PCDHA4: variants seen among roughly 807,000 people sequenced by gnomAD.
PCDHA4 encodes protocadherin alpha 4.
A neutral mutation model predicts 61.4 loss-of-function variants in PCDHA4; 49 were observed. The observed-to-expected ratio is 0.80, with a 90% CI of 0.63 to 1.01. The LOEUF is 1.01. Ranked by LOEUF, PCDHA4 falls within the 50% of genes least tolerant of loss-of-function variation. The probability of loss-of-function intolerance (pLI) is 0.00; values close to 1 mark genes in which losing one functional copy is unlikely to be tolerated. For synonymous variants in PCDHA4, 590 were observed against 550.3 expected (o/e 1.07, Z -1.01); for missense variants, 1,254 against 1,235.8 (o/e 1.01, Z -0.22).
chr5:140,870,736 A>G lies in PCDHA4; in HGVS notation c.2385+61164A>G, dbSNP rs201357017. ...GCGCGATGCGGGCGTGCCGCCTCTG[A>G]GCAGCAACGTGACGCTGCAGGTGTT... On this transcript the variant is annotated intron_variant, in intron 1 of 3. Transcript: ENST00000530339. 8.7e-4 allele frequency: 1,399 copies of G among 1,613,426 alleles called. 10 individuals carry two copies. In the African/African-American group the frequency reaches 0.015, roughly 17 times the overall value.
chr5:140,863,854 A>T (rs984993232), intron 1 of PCDHA4: 2 of 177,552 alleles, frequency 1.1e-5, no homozygotes, highest in Admixed American at 1.1e-4. Context: ...TAAAAAAATT[A>T]GCTGGGTGTG....
At chr5:140,950,579 A>G (rs2094498747) in intron 1 of PCDHA4, among the ~76,000 whole-genome samples, 1 of 151,956 alleles carries the variant, frequency 6.6e-6, no homozygotes, top group African/African-American at 2.4e-5. Flanking sequence ...TTTTCTACTT[A>G]CCTTTGGTTT....
intron 3 of PCDHA4, among the ~76,000 whole-genome samples, chr5:141,004,848 CAG>C (rs1554259777): frequency 6.6e-6 from 1 of 152,190 alleles, no homozygotes; most frequent in Non-Finnish European, 1.5e-5. Context: ...TCATTAGTCT[CAG>C]AGAAAAAATT....
At chr5:140,927,533 C>T in intron 1 of PCDHA4, 1 of 1,614,102 alleles carries the variant, frequency 6.2e-7, no homozygotes, top group Non-Finnish European at 8.5e-7. Flanking sequence ...CCTGCCCGCT[C>T]AGGAGACGCA....
At chr5:140,876,343 T>A (rs1196276310) in intron 1 of PCDHA4, 2 of 1,613,854 alleles carry the variant, frequency 1.2e-6, no homozygotes, top group African/African-American at 2.7e-5. Flanking sequence ...GAGTGAGAAA[T>A]GTATGTTTTC....
intron 1 of PCDHA4, chr5:140,883,585 C>G: frequency 6.2e-7 from 1 of 1,614,028 alleles, no homozygotes; most frequent in Non-Finnish European, 8.5e-7. Flanking sequence ...GGGCCACGGC[C>G]AGCGTGTCGG....
intron 1 of PCDHA4, among the ~76,000 whole-genome samples, chr5:140,831,531 T>C (rs1485160506): frequency 6.6e-6 from 1 of 150,388 alleles, no homozygotes; most frequent in Non-Finnish European, 1.5e-5. Flanking sequence ...TTTTTTTTTT[T>C]TTTTTTTTTT....
Position 140,851,530 on chromosome 5 carries a change from A to AT in PCDHA4, c.2385+41959dup, listed in dbSNP as rs746126939. ...AAAATATGTTTTAAAATGCCTGACA[A>AT]TGTAGATAATTCAAGAAATGTTGAC... is the stretch of plus-strand genomic sequence containing the variant. On this transcript the variant is annotated intron_variant, in intron 1 of 3. Transcript: ENST00000530339. 7.7e-4 allele frequency: 698 copies of AT among 902,810 alleles called. 38 individuals are homozygous for AT. The highest frequency in any genetic ancestry group is 9.1e-4 in the Non-Finnish European group (671 of 740,872). 55.9% of individuals were successfully genotyped at this position (902,810 alleles called of 1,614,324 possible).
intron 1 of PCDHA4, chr5:140,858,387 T>C (rs1260966424): frequency 1.9e-6 from 3 of 1,582,118 alleles, no homozygotes; most frequent in Admixed American, 1.8e-5. Flanking sequence ...TGCCCAATGG[T>C]AGATGTGGAC....
At position 140,807,105 on chromosome 5, in the gene PCDHA4, G is replaced by C. The variant is rs1763844674; in HGVS notation, c.-83G>C. On this transcript the variant is annotated 5_prime_UTR_variant, in exon 1 of 4. Coordinates refer to ENST00000530339, the MANE Select transcript of PCDHA4 (RefSeq NM_018907.4). Reference sequence around the variant, plus strand: ...TGGAGTCTGAAATATGGAGGATGCAGCTGCACTTGACTGACCGATTAAAAG... The same window carrying C: ...TGGAGTCTGAAATATGGAGGATGCACCTGCACTTGACTGACCGATTAAAAG... 1 of 1,454,344 alleles carries C rather than the reference G, an allele frequency of 6.9e-7. No individual in the cohort carries two copies. The highest frequency in any genetic ancestry group is 1.4e-5 in the African/African-American group (1 of 71,136). The allele number at this position is 1,454,344 out of a possible 1,614,324, so 90.1% of individuals were successfully genotyped here.
At position 141,009,807 on chromosome 5, in the gene PCDHA4, T is replaced by C. The variant is rs1554262456; in HGVS notation, c.2714T>C (p.Ile905Thr). ...CGGCAGGAGCCTACTAACAGCCAAA[T>C]TGACAAAAGTGACTTCATAACCTTC... is the stretch of plus-strand genomic sequence containing the variant. ...SIRQEPTNSQIDKSDFITFGK... is the reference protein window; with the variant it reads ...SIRQEPTNSQTDKSDFITFGK... Residue 905 changes from isoleucine to threonine, a missense_variant, in exon 4 of 4, where the codon ATT (isoleucine) becomes ACT (threonine). Ile to Thr is a moderately conservative substitution (Grantham distance 89). Transcript: ENST00000530339. 9.9e-6 allele frequency: 16 copies of C among 1,613,824 alleles called. No homozygotes were observed. Among genetic ancestry groups the C allele is most frequent in the South Asian group, 1.1e-5 (1 of 91,066 alleles).
intron 1 of PCDHA4, chr5:140,967,981 G>A (rs1192553799): frequency 4.3e-6 from 7 of 1,614,084 alleles, no homozygotes; most frequent in African/African-American, 1.3e-5. Flanking sequence ...TGGGTCTGGA[G>A]GCCACACTGC....
intron 1 of PCDHA4, among the ~76,000 whole-genome samples, chr5:140,846,576 A>G (rs1780570619): frequency 6.7e-6 from 1 of 148,418 alleles, no homozygotes; most frequent in African/African-American, 2.5e-5. Context: ...GGGTTTCACC[A>G]TGTTAGCCAG....
chr5:140,954,673 CTT>C (rs1173553071), intron 1 of PCDHA4, among the ~76,000 whole-genome samples: 2 of 152,076 alleles, frequency 1.3e-5, no homozygotes, highest in South Asian at 4.1e-4. Flanking sequence ...GGATATTAGA[CTT>C]TTGTCAGATG....
At chr5:140,821,679 C>T (rs2150110054) in intron 1 of PCDHA4, 709,926 of 1,321,150 alleles carry the variant, frequency 0.54, 193,036 homozygotes, top group African/African-American at 0.73. Flanking sequence ...CTCAGAAAGG[C>T]GATAATATAA....
At chr5:140,814,209 A>G (rs1246288617) in intron 1 of PCDHA4, 4 of 149,518 alleles carry the variant, frequency 2.7e-5, no homozygotes, top group African/African-American at 1.0e-4. Context: ...TTTCACTTTT[A>G]CTTAGTGTTT....
rs2150500536 is a variant in PCDHA4, at chr5:140,850,854, G to C, written c.2385+41282G>C. On this transcript the variant is annotated intron_variant, in intron 1 of 3. Transcript: ENST00000530339. ...TTGTGCTGGATCTACAGAGCGAACG[G>C]GAGAACCCTCTGCTTCCTCAGATTC... 60 of 1,595,366 alleles carry C rather than the reference G, an allele frequency of 3.8e-5. 3 individuals carry two copies. In the South Asian group the frequency reaches 6.2e-4, roughly 16 times the overall value.
chr5:140,876,841 CA>C, intron 1 of PCDHA4: 1 of 1,614,130 alleles, frequency 6.2e-7, no homozygotes, highest in South Asian at 1.1e-5. Flanking sequence ...TGCGTTCGCG[CA>C]GCCCGAGTAC....
At chr5:140,973,449 C>CT (rs2096588066) in intron 1 of PCDHA4, among the ~76,000 whole-genome samples, 1 of 152,188 alleles carries the variant, frequency 6.6e-6, no homozygotes, top group African/African-American at 2.4e-5. Flanking sequence ...TTTATAATGA[C>CT]TGGGGCTGTT....
Sources: allele counts gnomAD v4.1 joint callset (sites outside exome capture counted in the v4.1 genomes callset), GRCh38; gene constraint gnomAD v4.1.1; transcripts MANE v1.5; gene names NCBI Gene and HGNC (gene_info 2026-07-23, HGNC 2026-07-21).